Variants in CDC42BPA observed in about 807,000 individuals in gnomAD.
CDC42BPA encodes serine/threonine-protein kinase MRCK alpha.
CDC42BPA carries 80 observed loss-of-function variants against 223.5 expected under a neutral mutation model. The ratio of observed to expected loss-of-function variants is 0.36; its 90% CI spans 0.30 to 0.43. The LOEUF (loss-of-function observed/expected upper bound fraction) is 0.43, where lower values mean the gene tolerates loss of function less well. Ranked by LOEUF, CDC42BPA falls within the 20% of genes least tolerant of loss-of-function variation. The probability of loss-of-function intolerance (pLI) is 1.00; values close to 1 mark genes in which losing one functional copy is unlikely to be tolerated. For missense variants in CDC42BPA, 1,743 were observed against 2,099.9 expected (o/e 0.83, Z 3.32); for synonymous variants, 694 against 718.6 (o/e 0.97, Z 0.55).
intron 2 of CDC42BPA, among the ~76,000 whole-genome samples, chr1:227,251,121 A>G (rs1051300503): frequency 6.6e-6 from 1 of 152,230 alleles, no homozygotes; most frequent in African/African-American, 2.4e-5. Flanking sequence ...AGGGAAGTAC[A>G]TGAATGTGAA....
At chr1:227,182,043 G>C (rs913960251) in intron 5 of CDC42BPA, among the ~76,000 whole-genome samples, 1 of 152,016 alleles carries the variant, frequency 6.6e-6, no homozygotes, top group East Asian at 1.9e-4. Flanking sequence ...TTTATTTTCC[G>C]TAAGACATTG....
chr1:227,187,970 G>A (rs570227170), intron 5 of CDC42BPA, among the ~76,000 whole-genome samples: 1 of 151,910 alleles, frequency 6.6e-6, no homozygotes, highest in South Asian at 2.1e-4. Context: ...CAAAAACTGA[G>A]GGGATTTGTT....
chr1:227,166,612 T>C (rs1032966137), intron 5 of CDC42BPA, among the ~76,000 whole-genome samples: 1 of 152,208 alleles, frequency 6.6e-6, no homozygotes, highest in African/African-American at 2.4e-5. Flanking sequence ...TCTAAATTTA[T>C]AGTAGTCATA....
chr1:227,103,596 T>G (rs1201054348), intron 14 of CDC42BPA, among the ~76,000 whole-genome samples: 1 of 152,068 alleles, frequency 6.6e-6, no homozygotes, highest in Non-Finnish European at 1.5e-5. Flanking sequence ...AAGGGGTGCA[T>G]GGGAAAATAT....
At chr1:227,013,304 T>G (rs1665567209) in intron 34 of CDC42BPA, among the ~76,000 whole-genome samples, 1 of 152,110 alleles carries the variant, frequency 6.6e-6, no homozygotes, top group Non-Finnish European at 1.5e-5. Context: ...GTCTAATGAT[T>G]CTGTGGAAAA....
chr1:227,086,614 C>T (rs1558465953), intron 16 of CDC42BPA, among the ~76,000 whole-genome samples: 2 of 151,424 alleles, frequency 1.3e-5, no homozygotes, highest in Admixed American at 6.6e-5. Flanking sequence ...TATCATCTTT[C>T]ATGAAATGTC....
chr1:226,995,489 G>A (rs1661427689), intron 35 of CDC42BPA, among the ~76,000 whole-genome samples: 2 of 135,956 alleles, frequency 1.5e-5, no homozygotes, highest in South Asian at 2.2e-4. Flanking sequence ...GAGGAAGCTC[G>A]GTTGTACCAT....
Position 227,073,931 on chromosome 1 carries a change from T to C in CDC42BPA, c.2668A>G (p.Ile890Val). Residue 890 changes from isoleucine (I) to valine (V), a missense_variant, in exon 19 of 37, where the codon ATA (isoleucine) becomes GTA (valine). Physicochemically the swap from Ile to Val is conservative, Grantham distance 29. Around this residue, in one of 6 missense-constraint regions of CDC42BPA, gnomAD observed 36 missense variants for 71.9 expected, o/e 0.50. Transcript: ENST00000366766. ...TCTTGGATGGCCTGTTTGGCTCTTA[T>C]TTCTGCATCCAGAGCCGACTGCAAC... ...LELQSALDAE[I>V]RAKQAIQEEL... 6.2e-7 allele frequency: 1 copy of C among 1,611,418 alleles called. No individual in the cohort carries two copies. Among genetic ancestry groups the C allele is most frequent in the Non-Finnish European group, 8.5e-7 (1 of 1,179,232 alleles).
chr1:227,038,746 CAGGAG>C (rs1261793424), intron 24 of CDC42BPA, among the ~76,000 whole-genome samples: 1 of 152,168 alleles, frequency 6.6e-6, no homozygotes, highest in African/African-American at 2.4e-5. Context: ...AGAACAGCAG[CAGGAG>C]ATGCAACATG....
At chr1:227,177,140 T>A (rs1667107352) in intron 5 of CDC42BPA, among the ~76,000 whole-genome samples, 2 of 151,116 alleles carry the variant, frequency 1.3e-5, no homozygotes, top group South Asian at 4.2e-4. Flanking sequence ...AAAAAAAATA[T>A]ATATATATAC....
chr1:227,132,182 G>C (rs940005726), intron 10 of CDC42BPA, among the ~76,000 whole-genome samples: 1 of 151,984 alleles, frequency 6.6e-6, no homozygotes, highest in African/African-American at 2.4e-5. Context: ...GTCTCCCTCT[G>C]ATGCCGAGCC....
intron 15 of CDC42BPA, among the ~76,000 whole-genome samples, chr1:227,098,655 G>C (rs1684443694): frequency 6.6e-6 from 1 of 151,664 alleles, no homozygotes; most frequent in Non-Finnish European, 1.5e-5. Flanking sequence ...TCAATACATT[G>C]CTATCTTTAC....
At chr1:227,167,873 A>G (rs1665315663) in intron 5 of CDC42BPA, among the ~76,000 whole-genome samples, 1 of 152,078 alleles carries the variant, frequency 6.6e-6, no homozygotes, top group Non-Finnish European at 1.5e-5. Flanking sequence ...CCTGCAGCCT[A>G]AAGAACTTCC....
chr1:226,996,150 T>C (rs1215400921), intron 35 of CDC42BPA, among the ~76,000 whole-genome samples: 1 of 152,228 alleles, frequency 6.6e-6, no homozygotes, highest in East Asian at 1.9e-4. Context: ...CTCGCTGGCA[T>C]TTCCTCGACA....
At chr1:227,103,606 T>C (rs1685414821) in intron 14 of CDC42BPA, among the ~76,000 whole-genome samples, 1 of 152,094 alleles carries the variant, frequency 6.6e-6, no homozygotes, top group Non-Finnish European at 1.5e-5. Context: ...TGGGAAAATA[T>C]ACTTTTCAAA....
At chr1:227,279,738 G>A (rs1476329659) in intron 1 of CDC42BPA, among the ~76,000 whole-genome samples, 3 of 152,022 alleles carry the variant, frequency 2.0e-5, no homozygotes, top group Non-Finnish European at 4.4e-5. Context: ...AAAATAATTT[G>A]ATTCACACAC....
intron 14 of CDC42BPA, among the ~76,000 whole-genome samples, chr1:227,108,691 G>A (rs1475582426): frequency 6.6e-6 from 1 of 152,072 alleles, no homozygotes; most frequent in African/African-American, 2.4e-5. Flanking sequence ...TATATACAAT[G>A]GTACAGTGTT....
At chr1:227,279,166 T>G (rs577790914) in intron 1 of CDC42BPA, among the ~76,000 whole-genome samples, 2 of 152,310 alleles carry the variant, frequency 1.3e-5, no homozygotes, top group East Asian at 3.9e-4. Context: ...GTGAGGATCC[T>G]GCTGCCTTGA....
chr1:227,019,843 C>T (rs563365755), intron 32 of CDC42BPA, among the ~76,000 whole-genome samples: 1 of 152,176 alleles, frequency 6.6e-6, no homozygotes, highest in East Asian at 1.9e-4. Context: ...AGATGTGTTG[C>T]CATCCAGACT....
Sources: gnomAD v4.1 joint callset for allele counts (sites outside exome capture counted in the v4.1 genomes callset) on GRCh38, gnomAD v4.1.1 for gene constraint, gnomAD v4.1.1 regional missense constraint, MANE v1.5 for transcripts, NCBI Gene and HGNC (gene_info 2026-07-23, HGNC 2026-07-21) for gene names.